The following ZBTB7C variants were observed in gnomAD, a reference collection of about 807,000 sequenced individuals.
The protein encoded by ZBTB7C is zinc finger and BTB domain-containing protein 7C.
Under a neutral mutation model 25.7 loss-of-function variants are expected in ZBTB7C, and 8 were observed. That is an observed-to-expected ratio of 0.31 (90% CI 0.18 to 0.56). The LOEUF is 0.56. ZBTB7C is among the 20% of genes least tolerant of loss of function. The pLI is 0.91. For missense variants in ZBTB7C, 824 were observed against 855.2 expected, an observed-to-expected ratio of 0.96 and a Z score of 0.46; for synonymous variants, 394 against 369.0, an observed-to-expected ratio of 1.07 and a Z score of -0.78.
In ZBTB7C at chr18:48,055,800, G is replaced by A. The variant is rs2036893495; in HGVS notation, c.-16-14677C>T. ...GACCCCACTGCAGCTACCACCGCTCGTCGTCTTGCTCTGCGATTTTTGGTT... is the reference window on the plus strand; with the variant it reads ...GACCCCACTGCAGCTACCACCGCTCATCGTCTTGCTCTGCGATTTTTGGTT... On this transcript the variant is annotated intron_variant, in intron 3 of 4. Transcript: ENST00000590800. Among the ~76,000 whole-genome samples, 7 of 152,178 alleles carry A rather than the reference G, an allele frequency of 4.6e-5. No individual in the cohort carries two copies. The South Asian group carries it at 1.4e-3, about 32-fold the overall frequency.
intron 2 of ZBTB7C, among the ~76,000 whole-genome samples, chr18:48,299,320 T>G (rs1256016886): frequency 6.6e-6 from 1 of 152,200 alleles, no homozygotes; most frequent in African/African-American, 2.4e-5. Flanking sequence ...TCCTTGCAGC[T>G]CCCTCTCCTG....
chr18:48,206,666 C>A (rs186961592), intron 2 of ZBTB7C, among the ~76,000 whole-genome samples: 92 of 152,184 alleles, frequency 6.0e-4, no homozygotes, highest in Non-Finnish European at 1.1e-3. Context: ...AACAAACAAA[C>A]AAACAAATAA....
At chr18:48,195,464 A>T (rs2042297091) in intron 2 of ZBTB7C, among the ~76,000 whole-genome samples, 1 of 152,346 alleles carries the variant, frequency 6.6e-6, no homozygotes. Context: ...GCCTGCCGCC[A>T]TGTAAGACAT....
At chr18:48,391,126 G>A (rs1369310374) in intron 1 of ZBTB7C, among the ~76,000 whole-genome samples, 1 of 152,100 alleles carries the variant, frequency 6.6e-6, no homozygotes, top group Non-Finnish European at 1.5e-5. Flanking sequence ...TCCAACACTG[G>A]TGCTCCACTC....
At chr18:48,149,226 TC>T (rs2040598544) in intron 3 of ZBTB7C, 1 of 152,164 alleles carries the variant, frequency 6.6e-6, no homozygotes, top group African/African-American at 2.4e-5. Flanking sequence ...GCATGCATGC[TC>T]ATGTGGTTGT....
intron 3 of ZBTB7C, among the ~76,000 whole-genome samples, chr18:48,169,463 G>A (rs562784366): frequency 4.6e-5 from 7 of 152,240 alleles, no homozygotes; most frequent in African/African-American, 7.2e-5. Context: ...TTTTGAACTC[G>A]CAGCACCTGG....
intron 2 of ZBTB7C, among the ~76,000 whole-genome samples, chr18:48,219,610 C>A (rs1032701675): frequency 1.3e-5 from 2 of 152,200 alleles, no homozygotes; most frequent in Admixed American, 1.3e-4. Flanking sequence ...GCATTGACAA[C>A]CCACAGAGGC....
At chr18:48,404,246 C>T (rs1402731914) in intron 1 of ZBTB7C, among the ~76,000 whole-genome samples, 1 of 150,622 alleles carries the variant, frequency 6.6e-6, no homozygotes. Context: ...GAGTGAGAGA[C>T]TCCATCTCAA....
At chr18:48,030,261 G>A (rs1474484791) in intron 4 of ZBTB7C, among the ~76,000 whole-genome samples, 2 of 152,152 alleles carry the variant, frequency 1.3e-5, no homozygotes, top group Admixed American at 6.5e-5. Flanking sequence ...CTTAGTCCTC[G>A]GATAGTGCAG....
At chr18:48,139,113 G>A (rs911988428) in intron 3 of ZBTB7C, among the ~76,000 whole-genome samples, 2 of 152,176 alleles carry the variant, frequency 1.3e-5, no homozygotes, top group African/African-American at 2.4e-5. Flanking sequence ...CAGGAGGAGT[G>A]GGGCTGGGCA....
At chr18:48,227,431 CT>C (rs1441772700) in intron 2 of ZBTB7C, among the ~76,000 whole-genome samples, 1 of 152,234 alleles carries the variant, frequency 6.6e-6, no homozygotes, top group Non-Finnish European at 1.5e-5. Flanking sequence ...CTGCCGTCCT[CT>C]AGTCACTAAG....
intron 1 of ZBTB7C, among the ~76,000 whole-genome samples, chr18:48,349,795 A>G (rs938883035): frequency 6.6e-6 from 1 of 152,196 alleles, no homozygotes; most frequent in Admixed American, 6.5e-5. Context: ...CAGTGGGGGT[A>G]CACAGTACTG....
At chr18:48,332,038 A>C (rs1568381146) in intron 2 of ZBTB7C, among the ~76,000 whole-genome samples, 1 of 152,220 alleles carries the variant, frequency 6.6e-6, no homozygotes. Flanking sequence ...CATCCTAAAA[A>C]ATTAACACTA....
intron 1 of ZBTB7C, among the ~76,000 whole-genome samples, chr18:48,403,044 A>G (rs1599051676): frequency 6.6e-6 from 1 of 152,226 alleles, no homozygotes. Context: ...CCAAAGAGAA[A>G]CCCTCCCTGC....
At chr18:48,350,076 T>A (rs890491386) in intron 1 of ZBTB7C, among the ~76,000 whole-genome samples, 1 of 152,328 alleles carries the variant, frequency 6.6e-6, no homozygotes, top group Admixed American at 6.5e-5. Context: ...AAAACTGTTT[T>A]CTTTGTTTAT....
intron 3 of ZBTB7C, among the ~76,000 whole-genome samples, chr18:48,084,375 A>C (rs2038105039): frequency 6.6e-6 from 1 of 152,124 alleles, no homozygotes; most frequent in South Asian, 2.1e-4. Flanking sequence ...GTTTCACATC[A>C]CACTCTATTT....
intron 3 of ZBTB7C, among the ~76,000 whole-genome samples, chr18:48,157,515 T>G (rs1487673719): frequency 2.0e-5 from 3 of 152,208 alleles, no homozygotes; most frequent in African/African-American, 7.2e-5. Context: ...CAGTTAATAT[T>G]ATTCTCTCCA....
At chr18:48,267,268 G>A (rs2044342438) in intron 2 of ZBTB7C, among the ~76,000 whole-genome samples, 1 of 152,166 alleles carries the variant, frequency 6.6e-6, no homozygotes, top group African/African-American at 2.4e-5. Flanking sequence ...TGTCATCACT[G>A]ACCAATCCCT....
intron 3 of ZBTB7C, among the ~76,000 whole-genome samples, chr18:48,111,154 G>C (rs2039224148): frequency 6.6e-6 from 1 of 152,084 alleles, no homozygotes; most frequent in Admixed American, 6.5e-5. Context: ...ACTGATGGTG[G>C]GTTTCTGGGT....
Sources: gnomAD v4.1 joint callset for allele counts (sites outside exome capture counted in the v4.1 genomes callset) on GRCh38, gnomAD v4.1.1 for gene constraint, MANE v1.5 for transcripts, NCBI Gene and HGNC (gene_info 2026-07-23, HGNC 2026-07-21) for gene names.